The following ERBB4 variants were observed in gnomAD, a reference collection of about 807,000 sequenced individuals.
ERBB4 encodes the protein receptor tyrosine-protein kinase erbB-4.
ERBB4 carries 42 observed loss-of-function variants against 158.0 expected under a neutral mutation model. The ratio of observed to expected loss-of-function variants is 0.27; its 90% CI spans 0.21 to 0.34. The LOEUF is 0.34. Among genes scored for constraint, ERBB4 ranks in the 10% least tolerant of loss-of-function variants. The pLI is 1.00. For synonymous variants in ERBB4, 583 were observed against 558.7 expected, an observed-to-expected ratio of 1.04 and a Z score of -0.61; for missense variants, 1,333 against 1,624.1, an observed-to-expected ratio of 0.82 and a Z score of 3.08.
intron 25 of ERBB4, among the ~76,000 whole-genome samples, chr2:211,411,324 A>G (rs2063257203): frequency 6.6e-6 from 1 of 152,172 alleles, no homozygotes; most frequent in Admixed American, 6.5e-5. Flanking sequence ...GTCCCTTGAT[A>G]TTTTTGTTAT....
At chr2:212,087,028 G>A (rs1022816610) in intron 2 of ERBB4, among the ~76,000 whole-genome samples, 1 of 151,892 alleles carries the variant, frequency 6.6e-6, no homozygotes, top group Non-Finnish European at 1.5e-5. Context: ...ATATTCTCCA[G>A]GAAAGATGTA....
In ERBB4 at chr2:212,203,551, A is replaced by G. The variant is rs530407038; in HGVS notation, c.83-78648T>C. ...GGAAAGTTTTGAAAATAAGAATAAC[A>G]TGATCTGAACAACTTTTTAATGAAT... On this transcript the variant is annotated intron_variant, in intron 1 of 27. Coordinates refer to ENST00000342788, the MANE Select transcript of ERBB4 (RefSeq NM_005235.3). 7.9e-5 allele frequency among the ~76,000 whole-genome samples: 12 copies of G among 152,326 alleles called. No individual in the cohort carries two copies. In the South Asian group the frequency reaches 2.5e-3, roughly 32 times the overall value.
At chr2:212,308,515 G>T (rs1281092450) in intron 1 of ERBB4, among the ~76,000 whole-genome samples, 3 of 150,952 alleles carry the variant, frequency 2.0e-5, no homozygotes, top group Non-Finnish European at 4.5e-5. Context: ...AGCTTTAAAA[G>T]ACCAGAATTT....
chr2:211,770,371 C>A (rs2075659638), intron 4 of ERBB4, among the ~76,000 whole-genome samples: 1 of 152,168 alleles, frequency 6.6e-6, no homozygotes. Flanking sequence ...TTCCAAAAAT[C>A]TCTAATTCTT....
intron 2 of ERBB4, among the ~76,000 whole-genome samples, chr2:212,115,611 T>C (rs1358811164): frequency 2.0e-5 from 3 of 152,206 alleles, no homozygotes; most frequent in Non-Finnish European, 4.4e-5. Context: ...CTGAGCAAAG[T>C]ATATCAAAGA....
At chr2:211,462,508 A>G (rs1258380260) in intron 20 of ERBB4, among the ~76,000 whole-genome samples, 1 of 152,152 alleles carries the variant, frequency 6.6e-6, no homozygotes, top group Non-Finnish European at 1.5e-5. Context: ...AAATTTGACC[A>G]AATAGCAACT....
At position 211,475,438 on chromosome 2, in the gene ERBB4, T is replaced by C. The variant is rs902752048; in HGVS notation, c.2488-44338A>G. Among the ~76,000 whole-genome samples, 37 of 152,074 alleles carry C rather than the reference T, an allele frequency of 2.4e-4. 1 individual carries two copies. Among genetic ancestry groups the C allele is most frequent in the Non-Finnish European group, 7.4e-5 (5 of 67,992 alleles). ...AGGTATCTAACACAGTGTATTAACA[T>C]ACACCATAAGAAATACCTGATCAAT... On this transcript the variant is annotated intron_variant, in intron 20 of 27. Coordinates refer to ENST00000342788, the MANE Select transcript of ERBB4 (RefSeq NM_005235.3).
chr2:212,532,774 A>G (rs1051783020), intron 1 of ERBB4, among the ~76,000 whole-genome samples: 4 of 152,218 alleles, frequency 2.6e-5, no homozygotes, highest in African/African-American at 7.2e-5. Flanking sequence ...ATTAAAGTCT[A>G]TGTGGCTGCT....
chr2:212,127,798 T>C (rs2079988368), intron 1 of ERBB4, among the ~76,000 whole-genome samples: 1 of 151,682 alleles, frequency 6.6e-6, no homozygotes, highest in Admixed American at 6.6e-5. Flanking sequence ...AGGCAAAGGG[T>C]AGAGCTATGT....
Position 211,702,171 on chromosome 2 carries a change from G to A in ERBB4, c.1290-5C>T. 1.9e-6 allele frequency: 3 copies of A among 1,612,772 alleles called. No homozygotes were observed. The highest frequency in any genetic ancestry group is 8.5e-7 in the Non-Finnish European group (1 of 1,178,764). On this transcript the variant is annotated splice_polypyrimidine_tract_variant and splice_region_variant and intron_variant, in intron 11 of 27. Transcript: ENST00000342788. ...AGGATAAGCAAGGACAGGCCACTAA[G>A]GAGGGGGAAGTGAGAAAACGGAACC...
intron 3 of ERBB4, among the ~76,000 whole-genome samples, chr2:211,899,761 A>T (rs1330353263): frequency 1.3e-5 from 2 of 152,134 alleles, no homozygotes; most frequent in African/African-American, 4.8e-5. Flanking sequence ...GCCACTAATC[A>T]TCACTTATTT....
chr2:212,478,649 T>C (rs1012717111), intron 1 of ERBB4, among the ~76,000 whole-genome samples: 2 of 152,054 alleles, frequency 1.3e-5, no homozygotes, highest in East Asian at 1.9e-4. Flanking sequence ...AGGAAGCCTA[T>C]AAATATCAGT....
At chr2:211,734,069 A>T (rs1435426681) in intron 5 of ERBB4, among the ~76,000 whole-genome samples, 2 of 152,166 alleles carry the variant, frequency 1.3e-5, no homozygotes, top group African/African-American at 2.4e-5. Flanking sequence ...ATAAATATTT[A>T]AAAATTTTGT....
chr2:211,577,204 G>C (rs960718533), intron 19 of ERBB4, among the ~76,000 whole-genome samples: 1 of 152,054 alleles, frequency 6.6e-6, no homozygotes, highest in Non-Finnish European at 1.5e-5. Context: ...GGCATGCATG[G>C]GGAATACAAA....
At chr2:212,181,179 C>T (rs1014092347) in intron 1 of ERBB4, among the ~76,000 whole-genome samples, 1 of 151,656 alleles carries the variant, frequency 6.6e-6, no homozygotes, top group African/African-American at 2.4e-5. Context: ...CACTCTTCAT[C>T]ACTGTTTTCC....
intron 3 of ERBB4, among the ~76,000 whole-genome samples, chr2:211,820,875 G>A (rs192118568): frequency 2.0e-5 from 3 of 151,528 alleles, no homozygotes; most frequent in Non-Finnish European, 3.0e-5. Flanking sequence ...ATCAGGATAA[G>A]AACTCTCAAT....
At chr2:211,818,508 T>C (rs2076925787) in intron 3 of ERBB4, among the ~76,000 whole-genome samples, 1 of 151,988 alleles carries the variant, frequency 6.6e-6, no homozygotes. Context: ...AGAAGGGTAT[T>C]CCAATAAAAG....
chr2:211,518,965 T>G (rs576052148), intron 20 of ERBB4, among the ~76,000 whole-genome samples: 4 of 152,132 alleles, frequency 2.6e-5, no homozygotes, highest in Non-Finnish European at 5.9e-5. Flanking sequence ...CTCAGCCCTC[T>G]CTCTGTCTTC....
Position 212,124,973 on chromosome 2 carries a change from C to A in ERBB4, c.83-70G>T, listed in dbSNP as rs1348739764. The A allele has an allele frequency of 2.0e-6, 3 of 1,538,380 alleles. No homozygotes were observed. In the African/African-American group the frequency reaches 4.1e-5, roughly 21 times the overall value. ...TGATATGCGCAATGATAATATCTTT[C>A]TCAAAACTCTCTATTCCACAAGCCT... On this transcript the variant is annotated intron_variant, in intron 1 of 27. Coordinates refer to ENST00000342788, the MANE Select transcript of ERBB4 (RefSeq NM_005235.3).
Sources: gnomAD v4.1 joint callset for allele counts (sites outside exome capture counted in the v4.1 genomes callset) on GRCh38, gnomAD v4.1.1 for gene constraint, MANE v1.5 for transcripts, NCBI Gene and HGNC (gene_info 2026-07-23, HGNC 2026-07-21) for gene names.